ST8SIA5: variants seen among roughly 807,000 people sequenced by gnomAD.
The protein encoded by ST8SIA5 is alpha-2,8-sialyltransferase 8E.
In ST8SIA5, 24 loss-of-function variants were observed where a neutral mutation model predicts 40.2. That is an observed-to-expected ratio of 0.60 (90% CI 0.43 to 0.84). ST8SIA5 has a LOEUF of 0.84. ST8SIA5 is among the 40% of genes least tolerant of loss of function. The pLI, the probability that ST8SIA5 is intolerant of heterozygous loss-of-function variation, is 0.00. For missense variants in ST8SIA5, 465 were observed against 498.5 expected (o/e 0.93, Z 0.64); for synonymous variants, 198 against 201.8 (o/e 0.98, Z 0.16).
chr18:46,691,908 G>A (rs992187953), intron 3 of ST8SIA5: 110 of 499,868 alleles, frequency 2.2e-4, no homozygotes, highest in South Asian at 1.9e-3. Flanking sequence ...GCTGTGTACT[G>A]GAGATGGCAC....
chr18:46,724,887 A>G (rs1287824594), intron 1 of ST8SIA5, among the ~76,000 whole-genome samples: 1 of 152,042 alleles, frequency 6.6e-6, no homozygotes, highest in Non-Finnish European at 1.5e-5. Context: ...AGGCATGAGA[A>G]TCACTTGAAC....
intron 2 of ST8SIA5, 74 bp downstream of exon 2, chr18:46,704,498 C>T: frequency 7.5e-7 from 1 of 1,326,630 alleles, no homozygotes; most frequent in Non-Finnish European, 1.1e-6. Context: ...CCACCCTTGC[C>T]CCCACGCACT....
chr18:46,734,242 A>T (rs559129807), intron 1 of ST8SIA5, among the ~76,000 whole-genome samples: 7 of 152,304 alleles, frequency 4.6e-5, no homozygotes, highest in Non-Finnish European at 8.8e-5. Flanking sequence ...GCTCCAGAGG[A>T]TAACAATTCC....
intron 1 of ST8SIA5, among the ~76,000 whole-genome samples, chr18:46,728,332 G>A (rs758429836): frequency 6.6e-6 from 1 of 152,210 alleles, no homozygotes; most frequent in Admixed American, 6.5e-5. Flanking sequence ...AGGCAATTTT[G>A]TGGGGGACAC....
At chr18:46,704,961 G>A (rs1166993688) in intron 1 of ST8SIA5, among the ~76,000 whole-genome samples, 1 of 152,204 alleles carries the variant, frequency 6.6e-6, no homozygotes, top group African/African-American at 2.4e-5. Context: ...CCAAGTTTGT[G>A]GCTGGGAAGG....
rs571224841 is a variant in ST8SIA5, at chr18:46,724,631, G to A, written c.132-19967C>T. Among the ~76,000 whole-genome samples, 5 of 152,228 alleles carry A rather than the reference G, an allele frequency of 3.3e-5. No individual in the cohort carries two copies. In the East Asian group the frequency reaches 9.6e-4, roughly 29 times the overall value. On this transcript the variant is annotated intron_variant, in intron 1 of 6. Coordinates refer to ENST00000315087, the MANE Select transcript of ST8SIA5 (RefSeq NM_013305.6). ...CACTTTGAGCACCTATTATGAACCC[G>A]GCCCTTTACATAAATGGTCTCAATT...
chr18:46,673,450 C>T lies in ST8SIA5; in HGVS notation c.*6592G>A, dbSNP rs950921092. On this transcript the variant is annotated 3_prime_UTR_variant, in exon 7 of 7. Transcript: ENST00000315087. ...GCTCCAGTCTGAATTTCAAGCCATACATGGCCACTCAACTGGTGGCAACTT... is the reference window on the plus strand; with the variant it reads ...GCTCCAGTCTGAATTTCAAGCCATATATGGCCACTCAACTGGTGGCAACTT... 5 of 152,100 alleles carry T rather than the reference C, an allele frequency of 3.3e-5. No homozygotes were observed. Among genetic ancestry groups the T allele is most frequent in the Non-Finnish European group, 5.9e-5 (4 of 68,014 alleles). The allele number at this position is 152,100 out of a possible 1,614,324, so 9.4% of individuals were successfully genotyped here.
At chr18:46,727,699 G>C (rs2039944367) in intron 1 of ST8SIA5, among the ~76,000 whole-genome samples, 1 of 152,142 alleles carries the variant, frequency 6.6e-6, no homozygotes. Flanking sequence ...AGGGAGATTA[G>C]ATTTACAACC....
At chr18:46,749,836 G>A (rs756320464) in intron 1 of ST8SIA5, among the ~76,000 whole-genome samples, 25 of 152,120 alleles carry the variant, frequency 1.6e-4, no homozygotes, top group Non-Finnish European at 3.4e-4. Flanking sequence ...GTGGAGGCTT[G>A]GGGGGATGAT....
chr18:46,740,427 C>G (rs1178390191), intron 1 of ST8SIA5, among the ~76,000 whole-genome samples: 1 of 151,976 alleles, frequency 6.6e-6, no homozygotes, highest in Non-Finnish European at 1.5e-5. Flanking sequence ...TGTAAATATA[C>G]TAAACTTTCT....
At chr18:46,719,784 TTTTC>T (rs892118270) in intron 1 of ST8SIA5, among the ~76,000 whole-genome samples, 7 of 146,914 alleles carry the variant, frequency 4.8e-5, no homozygotes, top group South Asian at 2.2e-4. Context: ...TTCCTTTTCT[TTTTC>T]TTTCTTTCTC....
At chr18:46,686,546 C>T (rs773211672) in intron 4 of ST8SIA5, among the ~76,000 whole-genome samples, 10 of 152,292 alleles carry the variant, frequency 6.6e-5, no homozygotes, top group African/African-American at 1.4e-4. Flanking sequence ...TGGCACACAG[C>T]GGCTGGCAGA....
intron 1 of ST8SIA5, among the ~76,000 whole-genome samples, chr18:46,707,563 T>A (rs2039682090): frequency 6.6e-6 from 1 of 152,178 alleles, no homozygotes; most frequent in Non-Finnish European, 1.5e-5. Flanking sequence ...CAAATGACCT[T>A]GTGCCGTGGT....
At chr18:46,747,480 T>G (rs2040151867) in intron 1 of ST8SIA5, among the ~76,000 whole-genome samples, 1 of 152,222 alleles carries the variant, frequency 6.6e-6, no homozygotes, top group African/African-American at 2.4e-5. Context: ...ATGCTCATCA[T>G]CACTGGTCAT....
At position 46,673,834 on chromosome 18, in the gene ST8SIA5, C is replaced by G. The variant is rs2039323621; in HGVS notation, c.*6208G>C. 6.6e-6 allele frequency: 1 copy of G among 152,168 alleles called. No homozygotes were observed. The highest frequency in any genetic ancestry group is 6.6e-5 in the Admixed American group (1 of 15,266). 9.4% of individuals were successfully genotyped at this position (152,168 alleles called of 1,614,324 possible). A position where few individuals can be genotyped will look rare whatever the true frequency, so the allele number is the denominator to read the frequency against. Reference sequence around the variant, plus strand: ...GGCCTCGTTTGACTAGACCTCTAAACAATAGCACAAGGCACACCCTGGCCA... The same window carrying G: ...GGCCTCGTTTGACTAGACCTCTAAAGAATAGCACAAGGCACACCCTGGCCA... On this transcript the variant is annotated 3_prime_UTR_variant, in exon 7 of 7. Coordinates refer to ENST00000315087, the MANE Select transcript of ST8SIA5 (RefSeq NM_013305.6).
intron 4 of ST8SIA5, among the ~76,000 whole-genome samples, chr18:46,686,722 T>C (rs1488660215): frequency 1.3e-5 from 2 of 148,796 alleles, no homozygotes; most frequent in African/African-American, 5.0e-5. Flanking sequence ...TTTCCCTGGA[T>C]GGACAGGCCC....
chr18:46,749,968 G>T (rs576603800), intron 1 of ST8SIA5, among the ~76,000 whole-genome samples: 3 of 152,248 alleles, frequency 2.0e-5, no homozygotes, highest in African/African-American at 7.2e-5. Flanking sequence ...CTGCAGGAGG[G>T]CCCTCACCAG....
At chr18:46,754,644 G>A (rs539653876) in intron 1 of ST8SIA5, among the ~76,000 whole-genome samples, 1 of 152,266 alleles carries the variant, frequency 6.6e-6, no homozygotes, top group Non-Finnish European at 1.5e-5. Context: ...GGGAGGAAGG[G>A]AAGCACCTTG....
intron 1 of ST8SIA5, chr18:46,722,889 T>C (rs1360807466): frequency 6.6e-6 from 1 of 152,222 alleles, no homozygotes; most frequent in African/African-American, 2.4e-5. Flanking sequence ...CATCATCATG[T>C]GAAGAAAACT....
Sources: gnomAD v4.1 joint callset for allele counts (sites outside exome capture counted in the v4.1 genomes callset) on GRCh38, gnomAD v4.1.1 for gene constraint, MANE v1.5 for transcripts, NCBI Gene and HGNC (gene_info 2026-07-23, HGNC 2026-07-21) for gene names.